Variants in TANC2 observed in about 807,000 individuals in gnomAD.
The protein encoded by TANC2 is tetratricopeptide repeat, ankyrin repeat and coiled-coil containing 2, also known as protein TANC2.
Under a neutral mutation model 210.5 loss-of-function variants are expected in TANC2, and 26 were observed. The observed-to-expected ratio is 0.12, with a 90% CI of 0.09 to 0.17. The LOEUF (loss-of-function observed/expected upper bound fraction) is 0.17. TANC2 is among the 10% of genes least tolerant of loss of function. The pLI is 1.00. For synonymous variants in TANC2, 931 were observed against 967.1 expected, an observed-to-expected ratio of 0.96 and a Z score of 0.69; for missense variants, 2,129 against 2,608.9, an observed-to-expected ratio of 0.82 and a Z score of 4.01.
At chr17:63,190,986 A>C (rs2041165526) in intron 5 of TANC2, among the ~76,000 whole-genome samples, 1 of 152,014 alleles carries the variant, frequency 6.6e-6, no homozygotes, top group South Asian at 2.1e-4. Flanking sequence ...CCTATTGTTA[A>C]TTGTAATGAG....
At chr17:63,306,588 G>A (rs537495297) in intron 9 of TANC2, among the ~76,000 whole-genome samples, 2 of 152,144 alleles carry the variant, frequency 1.3e-5, no homozygotes, top group African/African-American at 2.4e-5. Flanking sequence ...ATTGTAATAC[G>A]TGATAAGAAC....
At chr17:63,251,889 T>C (rs2043062841) in intron 8 of TANC2, among the ~76,000 whole-genome samples, 1 of 152,214 alleles carries the variant, frequency 6.6e-6, no homozygotes, top group Admixed American at 6.5e-5. Context: ...ACTATATTTC[T>C]TGGTTTTGTG....
intron 9 of TANC2, among the ~76,000 whole-genome samples, chr17:63,277,438 T>C (rs2043914326): frequency 6.6e-6 from 1 of 152,094 alleles, no homozygotes; most frequent in African/African-American, 2.4e-5. Context: ...CTCTGGTCTT[T>C]CTGTCATCTA....
intron 6 of TANC2, among the ~76,000 whole-genome samples, chr17:63,200,536 A>G (rs761000422): frequency 2.0e-5 from 3 of 152,126 alleles, no homozygotes; most frequent in Non-Finnish European, 2.9e-5. Context: ...TTGTCACTGG[A>G]AATTTTGTAG....
intron 2 of TANC2, among the ~76,000 whole-genome samples, chr17:63,059,769 A>G (rs1184480664): frequency 6.6e-6 from 1 of 152,152 alleles, no homozygotes; most frequent in African/African-American, 2.4e-5. Context: ...TGACATGACC[A>G]TAATTGAGAA....
chr17:63,123,007 A>ATCTC (rs2038545328), intron 4 of TANC2, among the ~76,000 whole-genome samples: 1 of 152,230 alleles, frequency 6.6e-6, no homozygotes, highest in African/African-American at 2.4e-5. Context: ...AACTGGGACC[A>ATCTC]AAATGACGAA....
intron 5 of TANC2, among the ~76,000 whole-genome samples, chr17:63,178,734 C>T (rs1028825552): frequency 2.0e-5 from 3 of 152,134 alleles, no homozygotes; most frequent in Non-Finnish European, 4.4e-5. Context: ...ATCAACAAAT[C>T]AGAAAATGTA....
intron 5 of TANC2, among the ~76,000 whole-genome samples, chr17:63,166,128 C>A (rs1047240304): frequency 6.6e-6 from 1 of 152,160 alleles, no homozygotes; most frequent in African/African-American, 2.4e-5. Flanking sequence ...CTCTGTATAT[C>A]CCATCTCTAC....
intron 5 of TANC2, among the ~76,000 whole-genome samples, chr17:63,156,011 T>C (rs929341627): frequency 2.6e-5 from 4 of 152,166 alleles, no homozygotes; most frequent in African/African-American, 9.7e-5. Context: ...TTTCATTTTC[T>C]TTCTTCCATT....
chr17:63,353,859 C>T (rs934906842), intron 13 of TANC2, among the ~76,000 whole-genome samples: 1 of 152,006 alleles, frequency 6.6e-6, no homozygotes, highest in Non-Finnish European at 1.5e-5. Flanking sequence ...ACTTTATTAT[C>T]GGATTTGGCA....
exon 10 of TANC2, chr17:63,314,609 A>G: frequency 1.2e-6 from 2 of 1,614,024 alleles, no homozygotes; most frequent in Non-Finnish European, 1.7e-6. Context: ...GGTGGCCCTC[A>G]GCTGCCATGG....
At chr17:63,096,447 A>G (rs921316650) in intron 3 of TANC2, among the ~76,000 whole-genome samples, 1 of 152,198 alleles carries the variant, frequency 6.6e-6, no homozygotes, top group African/African-American at 2.4e-5. Flanking sequence ...TGGAGAGAAC[A>G]TGGCAGATTG....
exon 3 of TANC2, chr17:63,074,014 G>A (rs868711987): frequency 1.3e-6 from 2 of 1,562,362 alleles, no homozygotes; most frequent in East Asian, 2.4e-5. Flanking sequence ...CTCTGGGCAA[G>A]GTAAATTTTC....
intron 1 of TANC2, among the ~76,000 whole-genome samples, chr17:62,974,361 G>A (rs1166915954): frequency 2.0e-5 from 3 of 151,816 alleles, no homozygotes; most frequent in Admixed American, 6.6e-5. Context: ...GTTTTTCTTC[G>A]CTCACATCTC....
intron 9 of TANC2, among the ~76,000 whole-genome samples, chr17:63,278,317 T>G (rs1309073757): frequency 6.6e-6 from 1 of 152,104 alleles, no homozygotes; most frequent in Non-Finnish European, 1.5e-5. Flanking sequence ...GACAAAGGAC[T>G]TACATAGACA....
chr17:63,119,285 T>G (rs1270034240), intron 4 of TANC2, among the ~76,000 whole-genome samples: 1 of 152,208 alleles, frequency 6.6e-6, no homozygotes, highest in Admixed American at 6.5e-5. Context: ...TATGACTAGG[T>G]TATTTTAATT....
intron 5 of TANC2, among the ~76,000 whole-genome samples, chr17:63,171,662 G>C (rs549790846): frequency 6.6e-6 from 1 of 152,140 alleles, no homozygotes; most frequent in Non-Finnish European, 1.5e-5. Context: ...ATTTTGAAAG[G>C]AATGTTGTTA....
At chr17:62,979,297 A>G (rs1401280885) in intron 1 of TANC2, among the ~76,000 whole-genome samples, 3 of 151,870 alleles carry the variant, frequency 2.0e-5, no homozygotes, top group African/African-American at 7.3e-5. Flanking sequence ...TGCCTTTCTG[A>G]CCCCAGTTTT....
intron 14 of TANC2, among the ~76,000 whole-genome samples, chr17:63,364,647 C>A (rs566152609): frequency 6.6e-6 from 1 of 152,168 alleles, no homozygotes; most frequent in Admixed American, 6.5e-5. Flanking sequence ...ACAGGCCAGG[C>A]AAGGTGGCTT....
Sources: allele counts gnomAD v4.1 joint callset (sites outside exome capture counted in the v4.1 genomes callset), GRCh38; gene constraint gnomAD v4.1.1; transcripts MANE v1.5; gene names NCBI Gene and HGNC (gene_info 2026-07-23, HGNC 2026-07-21).